Variants in ZFP2 observed in about 807,000 individuals in gnomAD.
ZFP2 encodes the protein zinc finger protein ZFP2.
A neutral mutation model predicts 36.1 loss-of-function variants in ZFP2; 33 were observed. The ratio of observed to expected loss-of-function variants is 0.92; its 90% CI spans 0.69 to 1.22. The LOEUF (loss-of-function observed/expected upper bound fraction) is 1.22. Ranked by LOEUF, ZFP2 falls within the 50% of genes most tolerant of loss-of-function variation. ZFP2 has a pLI of 0.00. For missense variants in ZFP2, 522 were observed against 551.4 expected, an observed-to-expected ratio of 0.95 and a Z score of 0.53; for synonymous variants, 170 against 178.0, an observed-to-expected ratio of 0.96 and a Z score of 0.36.
intron 1 of ZFP2, among the ~76,000 whole-genome samples, chr5:178,908,198 C>T (rs1408827164): frequency 6.6e-6 from 1 of 152,132 alleles, no homozygotes; most frequent in African/African-American, 2.4e-5. Context: ...TCTGTAATCC[C>T]AGCACTTTGG....
intron 4 of ZFP2, among the ~76,000 whole-genome samples, chr5:178,927,886 G>A (rs1042304778): frequency 8.6e-5 from 13 of 151,662 alleles, no homozygotes; most frequent in Non-Finnish European, 4.4e-5. Context: ...GGTTCTACAG[G>A]CTGTACGGGA....
chr5:178,912,709 G>C lies in ZFP2; in HGVS notation c.-324G>C, dbSNP rs533103433. 3 of 1,063,832 alleles carry C rather than the reference G, an allele frequency of 2.8e-6. No individual in the cohort carries two copies. The highest frequency in any genetic ancestry group is 1.7e-5 in the African/African-American group (1 of 59,172). 65.9% of individuals were successfully genotyped at this position (1,063,832 alleles called of 1,614,324 possible). On this transcript the variant is annotated 5_prime_UTR_variant, in exon 2 of 5. Transcript: ENST00000361362. ...TGATGCTGGAGAACTACAGGAACCC[G>C]GTCTCACTGGGTAAGGACTTCTTGT...
intron 3 of ZFP2, chr5:178,915,554 T>A (rs1334375295): frequency 1.3e-5 from 2 of 152,098 alleles, no homozygotes; most frequent in African/African-American, 4.8e-5. Flanking sequence ...GCTCAGGCAG[T>A]CTGCCCACCT....
At chr5:178,924,486 C>T (rs973729557) in intron 4 of ZFP2, among the ~76,000 whole-genome samples, 3 of 148,666 alleles carry the variant, frequency 2.0e-5, no homozygotes, top group African/African-American at 4.9e-5. Flanking sequence ...TTAGTGTTAT[C>T]GTAACCACTG....
chr5:178,929,279 T>G (rs532338435), intron 4 of ZFP2, among the ~76,000 whole-genome samples: 2 of 152,384 alleles, frequency 1.3e-5, no homozygotes, highest in East Asian at 3.9e-4. Context: ...CTGCTTGAAT[T>G]CCTTCCCTGA....
intron 1 of ZFP2, among the ~76,000 whole-genome samples, chr5:178,903,070 C>G (rs1260925778): frequency 3.3e-5 from 5 of 152,178 alleles, no homozygotes; most frequent in Non-Finnish European, 7.3e-5. Context: ...TGATGAATCA[C>G]TTGGAACTGT....
chr5:178,902,443 C>T (rs1276970874), intron 1 of ZFP2, among the ~76,000 whole-genome samples: 1 of 152,212 alleles, frequency 6.6e-6, no homozygotes, highest in African/African-American at 2.4e-5. Context: ...ATCCAATCCA[C>T]ATCACACATT....
At chr5:178,903,229 T>G (rs1033235523) in intron 1 of ZFP2, among the ~76,000 whole-genome samples, 3 of 152,370 alleles carry the variant, frequency 2.0e-5, no homozygotes, top group Non-Finnish European at 2.9e-5. Flanking sequence ...TGTTTTCCTT[T>G]TTTCATCTTT....
At chr5:178,896,088 G>C (rs1019384851) in intron 1 of ZFP2, 114 bp downstream of exon 1, 1 of 152,294 alleles carries the variant, frequency 6.6e-6, no homozygotes, top group Non-Finnish European at 1.5e-5. Context: ...TTGAGGGGCG[G>C]GCCCGCAGCA....
chr5:178,930,314 CTTTTTT>C (rs990713790), intron 4 of ZFP2, among the ~76,000 whole-genome samples: 4 of 71,368 alleles, frequency 5.6e-5, no homozygotes, highest in South Asian at 6.0e-4. Context: ...TTTCCCTTTC[CTTTTTT>C]TTTTTTTTTT....
chr5:178,911,706 A>G (rs1430628960), intron 1 of ZFP2, among the ~76,000 whole-genome samples: 1 of 152,208 alleles, frequency 6.6e-6, no homozygotes, highest in Non-Finnish European at 1.5e-5. Context: ...GGTCAGTTGT[A>G]CTTTCTCCCT....
intron 4 of ZFP2, among the ~76,000 whole-genome samples, chr5:178,921,243 C>G (rs996911492): frequency 6.6e-6 from 1 of 152,136 alleles, no homozygotes; most frequent in Admixed American, 6.5e-5. Flanking sequence ...GTCATGTTCC[C>G]GAATTCTCCC....
intron 1 of ZFP2, chr5:178,909,759 C>T: frequency 6.4e-7 from 1 of 1,569,674 alleles, no homozygotes; most frequent in South Asian, 1.2e-5. Context: ...GAGTGCACCT[C>T]TCCCTTCCTC....
chr5:178,897,760 G>A (rs376483268), intron 1 of ZFP2, among the ~76,000 whole-genome samples: 1 of 152,058 alleles, frequency 6.6e-6, no homozygotes, highest in South Asian at 2.1e-4. Flanking sequence ...CCATGATTGC[G>A]GAGAGTTTAT....
At chr5:178,931,134 A>G (rs905579903) in intron 4 of ZFP2, 103 bp from the exon 5 acceptor site, 88 of 1,282,844 alleles carry the variant, frequency 6.9e-5, no homozygotes, top group Non-Finnish European at 1.5e-5. Flanking sequence ...CTCAGCAGTT[A>G]TTTTAGTTGA....
At chr5:178,920,314 T>C (rs958891950) in intron 4 of ZFP2, among the ~76,000 whole-genome samples, 2 of 152,170 alleles carry the variant, frequency 1.3e-5, no homozygotes, top group Admixed American at 1.3e-4. Context: ...ATTTCTATTT[T>C]CTATATCAAT....
intron 4 of ZFP2, among the ~76,000 whole-genome samples, chr5:178,926,677 C>A (rs577638351): frequency 6.6e-6 from 1 of 152,020 alleles, no homozygotes; most frequent in East Asian, 1.9e-4. Flanking sequence ...CCACCATGCC[C>A]GGCTAATTTT....
intron 1 of ZFP2, among the ~76,000 whole-genome samples, chr5:178,904,068 A>C (rs1758117470): frequency 6.6e-6 from 1 of 152,140 alleles, no homozygotes; most frequent in South Asian, 2.1e-4. Flanking sequence ...GTTTTCTATT[A>C]GTTTTATAAT....
rs1758753243 is a variant in ZFP2 at position 178,928,813 on chromosome 5, A to G, written c.-77-2424A>G. ...TTCTACATGGCGGCTCCAATGCCACATTTCTCCTCTGCACTGCCCTAGTAT... is the reference window on the plus strand; with the variant it reads ...TTCTACATGGCGGCTCCAATGCCACGTTTCTCCTCTGCACTGCCCTAGTAT... On this transcript the variant is annotated intron_variant, in intron 4 of 4. Transcript: ENST00000361362. Among the ~76,000 whole-genome samples the G allele has an allele frequency of 3.9e-5, 6 of 152,212 alleles. No homozygotes were observed. In the South Asian group the frequency reaches 1.2e-3, roughly 32 times the overall value.
Sources: gnomAD v4.1 joint callset for allele counts (sites outside exome capture counted in the v4.1 genomes callset) on GRCh38, gnomAD v4.1.1 for gene constraint, MANE v1.5 for transcripts, NCBI Gene and HGNC (gene_info 2026-07-23, HGNC 2026-07-21) for gene names.